Variants in AUTS2 observed in about 807,000 individuals in gnomAD.
AUTS2 encodes autism susceptibility gene 2 protein.
In AUTS2, 17 loss-of-function variants were observed where a neutral mutation model predicts 112.4. The observed-to-expected ratio is 0.15, with a 90% CI of 0.10 to 0.23. The LOEUF is 0.23. AUTS2 is among the 10% of genes least tolerant of loss of function. AUTS2 has a pLI of 1.00. For missense variants in AUTS2, 1,510 were observed against 1,701.6 expected, an observed-to-expected ratio of 0.89 and a Z score of 1.98; for synonymous variants, 751 against 702.7, an observed-to-expected ratio of 1.07 and a Z score of -1.09.
chr7:70,228,064 G>A (rs1156523741), intron 4 of AUTS2, among the ~76,000 whole-genome samples: 2 of 150,950 alleles, frequency 1.3e-5, no homozygotes, highest in South Asian at 2.1e-4. Context: ...CTTTAGTTCC[G>A]TTAGATTTTG....
chr7:70,723,479 A>T (rs1309827435), intron 6 of AUTS2, among the ~76,000 whole-genome samples: 1 of 151,940 alleles, frequency 6.6e-6, no homozygotes, highest in African/African-American at 2.4e-5. Flanking sequence ...GCACACCTGG[A>T]TTTGGCAGAA....
chr7:70,568,298 G>C (rs1013873605), intron 5 of AUTS2, among the ~76,000 whole-genome samples: 2 of 152,154 alleles, frequency 1.3e-5, no homozygotes, highest in African/African-American at 4.8e-5. Context: ...GTGTGACCTT[G>C]AGCAGTTTCC....
chr7:70,476,382 A>G (rs904593349), intron 5 of AUTS2, among the ~76,000 whole-genome samples: 2 of 151,922 alleles, frequency 1.3e-5, no homozygotes, highest in Middle Eastern at 3.2e-3. Flanking sequence ...CCCACTCCCA[A>G]CCTTTCAAAT....
chr7:69,599,424 T>TCTCGCCCTCGCTCCCCGTCC lies in AUTS2; in HGVS notation c.-226_-207dup. The TCTCGCCCTCGCTCCCCGTCC allele has an allele frequency of 2.6e-6, 1 of 388,086 alleles. No individual in the cohort carries two copies. Among genetic ancestry groups the TCTCGCCCTCGCTCCCCGTCC allele is most frequent in the Non-Finnish European group, 4.4e-6 (1 of 225,904 alleles). The allele number at this position is 388,086 out of a possible 1,614,324, so 24.0% of individuals were successfully genotyped here. A position where few individuals can be genotyped will look rare whatever the true frequency, so the allele number is the denominator to read the frequency against. On this transcript the variant is annotated 5_prime_UTR_variant, in exon 1 of 19. Transcript: ENST00000342771. This position sits in a 1 kb window ranked among gnomAD's most constrained non-coding sequence, Gnocchi z 7.0. ...GAGCCCCACACTTGGGCTCCTCGCCTCTCGCCCTCGCTCCCCGTCCCTCCT... is the reference window on the plus strand; with the variant it reads ...GAGCCCCACACTTGGGCTCCTCGCCTCTCGCCCTCGCTCCCCGTCCCTCGCCCTCGCTCCCCGTCCCTCCT...
chr7:70,689,314 G>A (rs1436452613), intron 5 of AUTS2, among the ~76,000 whole-genome samples: 1 of 152,162 alleles, frequency 6.6e-6, no homozygotes, highest in Non-Finnish European at 1.5e-5. Flanking sequence ...CCAGCAGGTC[G>A]AGGCTGTAGT....
At chr7:70,450,969 G>T (rs1418544747) in intron 5 of AUTS2, among the ~76,000 whole-genome samples, 1 of 152,128 alleles carries the variant, frequency 6.6e-6, no homozygotes, top group Non-Finnish European at 1.5e-5. Flanking sequence ...GAAAATAGGA[G>T]CTCAGGGAGG....
At chr7:70,169,263 C>G (rs1157336175) in intron 4 of AUTS2, among the ~76,000 whole-genome samples, 1 of 151,366 alleles carries the variant, frequency 6.6e-6, no homozygotes, top group Non-Finnish European at 1.5e-5. Context: ...TTTTTTGAGA[C>G]GGCATCTCAC....
At chr7:70,290,549 C>T (rs917022268) in intron 4 of AUTS2, 1 of 1,512,118 alleles carries the variant, frequency 6.6e-7, no homozygotes, top group South Asian at 1.3e-5. Context: ...TTCTAATACT[C>T]TATGTGATAT....
At chr7:69,951,532 C>A (rs781397721) in intron 2 of AUTS2, among the ~76,000 whole-genome samples, 1 of 152,138 alleles carries the variant, frequency 6.6e-6, no homozygotes, top group Non-Finnish European at 1.5e-5. Context: ...CAGAAGCCAT[C>A]CGTTTTGCAT....
chr7:70,433,574 C>A (rs1409158040), intron 4 of AUTS2, among the ~76,000 whole-genome samples: 1 of 152,156 alleles, frequency 6.6e-6, no homozygotes, highest in African/African-American at 2.4e-5. Context: ...TTTCTCAACT[C>A]ATTTGACTTA....
chr7:70,649,517 T>TTTA (rs1554451110), intron 5 of AUTS2, among the ~76,000 whole-genome samples: 1 of 150,198 alleles, frequency 6.7e-6, no homozygotes, highest in Non-Finnish European at 1.5e-5. Flanking sequence ...TATTTATTTA[T>TTTA]TTATTTATTT....
rs1191155682 is a variant in AUTS2, at chr7:70,787,377, G to A, written c.2477G>A (p.Arg826Lys). 1 of 1,613,994 alleles carries A rather than the reference G, an allele frequency of 6.2e-7. No individual in the cohort carries two copies. The highest frequency in any genetic ancestry group is 8.5e-7 in the Non-Finnish European group (1 of 1,179,986). Reference protein sequence around the residue: ...ERSASAAAHDRDRDVDKRDSS... With the variant: ...ERSASAAAHDKDRDVDKRDSS... ...AGCGCGTCCGCTGCAGCTCATGACA[G>A]AGATAGAGATGTAGATAAACGAGAC... is the stretch of plus-strand genomic sequence containing the variant. Residue 826 changes from arginine to lysine, a missense_variant, in exon 18 of 19, where the codon AGA becomes AAA. Transcript: ENST00000342771.
chr7:70,444,286 G>A (rs1426586129), intron 5 of AUTS2, among the ~76,000 whole-genome samples: 2 of 151,850 alleles, frequency 1.3e-5, no homozygotes, highest in African/African-American at 4.8e-5. Flanking sequence ...GTCTTATACT[G>A]TATTAGGGTT....
At chr7:69,890,107 G>A (rs1377737329) in intron 1 of AUTS2, among the ~76,000 whole-genome samples, 31 of 152,106 alleles carry the variant, frequency 2.0e-4, no homozygotes, top group Non-Finnish European at 2.6e-4. Flanking sequence ...GAATCCTTCA[G>A]GGCTGAGAGC....
chr7:70,652,278 A>G (rs1228951365), intron 5 of AUTS2, among the ~76,000 whole-genome samples: 1 of 152,198 alleles, frequency 6.6e-6, no homozygotes, highest in East Asian at 1.9e-4. Context: ...ATTAAGCCAC[A>G]GCATAATACC....
chr7:70,650,308 C>T (rs1361564303), intron 5 of AUTS2, among the ~76,000 whole-genome samples: 1 of 152,202 alleles, frequency 6.6e-6, no homozygotes, highest in Non-Finnish European at 1.5e-5. Flanking sequence ...CCAAGGGTGG[C>T]CTGAGCCTCC....
At chr7:69,830,727 T>A (rs985035017) in intron 1 of AUTS2, among the ~76,000 whole-genome samples, 1 of 152,236 alleles carries the variant, frequency 6.6e-6, no homozygotes, top group African/African-American at 2.4e-5. Flanking sequence ...ACACATTTAT[T>A]GAGCTCGTAC....
intron 4 of AUTS2, among the ~76,000 whole-genome samples, chr7:70,207,197 A>T (rs1259260730): frequency 6.6e-6 from 1 of 152,208 alleles, no homozygotes; most frequent in Non-Finnish European, 1.5e-5. Flanking sequence ...TGGACTTTCT[A>T]TAGGGTAATG....
intron 2 of AUTS2, among the ~76,000 whole-genome samples, chr7:69,999,733 A>G (rs980442131): frequency 6.6e-6 from 1 of 152,224 alleles, no homozygotes; most frequent in Non-Finnish European, 1.5e-5. Flanking sequence ...TACACATTAC[A>G]TAGTTACCCC....
Sources: gnomAD v4.1 joint callset for allele counts (sites outside exome capture counted in the v4.1 genomes callset) on GRCh38, gnomAD v4.1.1 for gene constraint, Gnocchi (gnomAD v3.1) non-coding constraint, MANE v1.5 for transcripts, NCBI Gene and HGNC (gene_info 2026-07-23, HGNC 2026-07-21) for gene names.